PLEKHA5: variants seen among roughly 807,000 people sequenced by gnomAD.
PLEKHA5 encodes the protein pleckstrin homology domain-containing family A member 5.
Under a neutral mutation model 181.9 loss-of-function variants are expected in PLEKHA5, and 55 were observed. The observed-to-expected ratio is 0.30, with a 90% CI of 0.24 to 0.38. The LOEUF is 0.38. PLEKHA5 is among the 10% of genes least tolerant of loss of function. The probability of loss-of-function intolerance (pLI) is 1.00; values close to 1 mark genes in which losing one functional copy is unlikely to be tolerated. For synonymous variants in PLEKHA5, 535 were observed against 529.4 expected (o/e 1.01, Z -0.15); for missense variants, 1,432 against 1,549.5 (o/e 0.92, Z 1.27).
intron 20 of PLEKHA5, among the ~76,000 whole-genome samples, chr12:19,334,829 A>AAAAAAAAAAAAAATATATATAT: frequency 5.4e-5 from 1 of 18,602 alleles, no homozygotes; most frequent in Non-Finnish European, 1.4e-4. Context: ...AAAAAAAAAA[A>AAAAAAAAAAAAAATATATATAT]ATATATATAT....
chr12:19,173,524 C>T (rs2046482721), intron 3 of PLEKHA5, among the ~76,000 whole-genome samples: 2 of 152,056 alleles, frequency 1.3e-5, no homozygotes, highest in Non-Finnish European at 1.5e-5. Context: ...GAAACCAGTG[C>T]TAGCTGGGAG....
Position 19,358,210 on chromosome 12 carries a change from T to G in PLEKHA5, c.3139-18T>G. 1.9e-6 allele frequency: 3 copies of G among 1,568,802 alleles called. No individual in the cohort carries two copies. Among genetic ancestry groups the G allele is most frequent in the Non-Finnish European group, 2.6e-6 (3 of 1,140,862 alleles). On this transcript the variant is annotated intron_variant, in intron 26 of 31. Transcript: ENST00000429027. The stretch of plus-strand genomic sequence containing the variant: ...AAGTTTTCATTTATGTATTGATATG[T>G]TCATTTTTACATTGAAGGAAAGACC...
At position 19,322,312 on chromosome 12, in the gene PLEKHA5, C is replaced by T; in HGVS notation, c.2220C>T (p.Ala740=). ...AGACATCTTCTCTTATAACCTAGGC[C>T]AAGTTAAGCCGATTATGTGAACAAG... The part of the protein sequence containing the change: ...KYRPEEVDID[A]KLSRLCEQDK... Residue 740 remains alanine, a splice_region_variant and synonymous_variant, in exon 19 of 32, where the codon GCC becomes GCT. Transcript: ENST00000429027. 1 of 1,610,516 alleles carries T rather than the reference C, an allele frequency of 6.2e-7. No individual in the cohort carries two copies. The highest frequency in any genetic ancestry group is 8.5e-7 in the Non-Finnish European group (1 of 1,177,140).
chr12:19,149,597 G>T (rs949023603), intron 3 of PLEKHA5: 1 of 151,922 alleles, frequency 6.6e-6, no homozygotes, highest in Admixed American at 6.6e-5. Flanking sequence ...GGGTTTGCTG[G>T]GCAGTTTCTC....
chr12:19,133,351 T>A (rs1158152997), intron 3 of PLEKHA5, among the ~76,000 whole-genome samples: 1 of 152,090 alleles, frequency 6.6e-6, no homozygotes, highest in South Asian at 2.1e-4. Context: ...TATGGGTGGT[T>A]TTGTCTTTTT....
intron 3 of PLEKHA5, among the ~76,000 whole-genome samples, chr12:19,141,204 A>G (rs1019876085): frequency 2.0e-5 from 3 of 152,190 alleles, no homozygotes; most frequent in Non-Finnish European, 2.9e-5. Context: ...TTAACCAGAA[A>G]AAATGGTTAC....
chr12:19,271,067 C>A (rs899556689), intron 10 of PLEKHA5, among the ~76,000 whole-genome samples: 2 of 152,114 alleles, frequency 1.3e-5, no homozygotes, highest in South Asian at 4.1e-4. Flanking sequence ...TTAAGAAAAA[C>A]CACTTTTGCC....
intron 7 of PLEKHA5, among the ~76,000 whole-genome samples, chr12:19,264,458 A>G (rs1286831085): frequency 1.3e-5 from 2 of 152,184 alleles, no homozygotes; most frequent in Admixed American, 1.3e-4. Flanking sequence ...CCTTTACATG[A>G]ACATAAAACA....
intron 3 of PLEKHA5, among the ~76,000 whole-genome samples, chr12:19,248,834 C>T (rs565802195): frequency 2.6e-5 from 4 of 152,044 alleles, no homozygotes; most frequent in Admixed American, 6.5e-5. Flanking sequence ...TGGGTAGGCA[C>T]GAAGTTAAAC....
intron 15 of PLEKHA5, among the ~76,000 whole-genome samples, chr12:19,302,862 C>T (rs1437038507): frequency 6.7e-6 from 1 of 149,000 alleles, no homozygotes; most frequent in African/African-American, 2.5e-5. Flanking sequence ...GGAACATTTC[C>T]ATCATCACAG....
chr12:19,256,180 C>T (rs1388655398), intron 5 of PLEKHA5, among the ~76,000 whole-genome samples: 2 of 151,986 alleles, frequency 1.3e-5, no homozygotes, highest in Non-Finnish European at 2.9e-5. Context: ...GATTCTCAGC[C>T]TCATCCATAA....
intron 15 of PLEKHA5, among the ~76,000 whole-genome samples, chr12:19,308,773 A>T (rs988789003): frequency 5.9e-5 from 9 of 152,138 alleles, no homozygotes; most frequent in Non-Finnish European, 1.2e-4. Flanking sequence ...CCGGCTGGGC[A>T]CAGTGGCTCA....
Position 19,287,395 on chromosome 12 carries a change from T to A in PLEKHA5, c.1780-78T>A. 9.8e-6 allele frequency: 8 copies of A among 816,556 alleles called. No homozygotes were observed. The South Asian group carries it at 1.0e-4, about 10-fold the overall frequency. The allele number at this position is 816,556 out of a possible 1,614,324, so 50.6% of individuals were successfully genotyped here. ...TTAAATGGTATTTCATAATAGGAAT[T>A]TAAGATTTCTCCTTGCTGACATTGA... On this transcript the variant is annotated intron_variant, in intron 12 of 31. Transcript: ENST00000429027.
chr12:19,302,667 C>T (rs1041030367), intron 15 of PLEKHA5, among the ~76,000 whole-genome samples: 1 of 151,740 alleles, frequency 6.6e-6, no homozygotes, highest in Non-Finnish European at 1.5e-5. Flanking sequence ...AAAGTGCTGC[C>T]GTTACAGATG....
intron 3 of PLEKHA5, among the ~76,000 whole-genome samples, chr12:19,209,432 G>A (rs1223151930): frequency 6.6e-6 from 1 of 152,184 alleles, no homozygotes; most frequent in Admixed American, 6.5e-5. Context: ...GTTAACAGCA[G>A]AAATAGGAGG....
intron 3 of PLEKHA5, among the ~76,000 whole-genome samples, chr12:19,162,872 T>C (rs1421306505): frequency 1.3e-5 from 2 of 152,162 alleles, no homozygotes; most frequent in Non-Finnish European, 2.9e-5. Flanking sequence ...ATTTAAAGTG[T>C]GTGAGGTGTG....
intron 11 of PLEKHA5, 45 bp from the exon 12 acceptor site, chr12:19,283,235 A>C: frequency 2.5e-6 from 3 of 1,179,504 alleles, no homozygotes; most frequent in Non-Finnish European, 3.6e-6. Context: ...AATTTGGAAA[A>C]TAACCCTCCT....
Position 19,366,092 on chromosome 12 carries a change from G to T in PLEKHA5, c.3737G>T (p.Gly1246Val). 6.2e-7 allele frequency: 1 copy of T among 1,611,538 alleles called. No homozygotes were observed. The highest frequency in any genetic ancestry group is 8.5e-7 in the Non-Finnish European group (1 of 1,178,946). Reference protein sequence around the residue: ...SYESTPEVSRGNQTMAVKSLS... With the variant: ...SYESTPEVSRVNQTMAVKSLS... ...GAATCAACTCCTGAGGTTTCTAGAG[G>T]AAATCAAACAATGGCAGGTAGGTAG... Residue 1246 changes from glycine (G) to valine (V), a missense_variant, in exon 30 of 32, where the codon GGA (glycine) becomes GTA (valine). By Grantham distance (109) the Gly-to-Val change is moderately radical (BLOSUM62 -3). Coordinates refer to ENST00000429027, the MANE Select transcript of PLEKHA5 (RefSeq NM_001256470.2).
chr12:19,353,222 C>T (rs1236819564), intron 25 of PLEKHA5, among the ~76,000 whole-genome samples: 1 of 152,130 alleles, frequency 6.6e-6, no homozygotes, highest in Non-Finnish European at 1.5e-5. Context: ...GGCGCTATCT[C>T]AGCTCACTGC....
Sources: gnomAD v4.1 joint callset for allele counts (sites outside exome capture counted in the v4.1 genomes callset) on GRCh38, gnomAD v4.1.1 for gene constraint, MANE v1.5 for transcripts, NCBI Gene and HGNC (gene_info 2026-07-23, HGNC 2026-07-21) for gene names.